The following LRP1B variants were observed in gnomAD, a reference collection of about 807,000 sequenced individuals.
LRP1B encodes the protein low-density lipoprotein receptor-related protein 1B.
LRP1B carries 217 observed loss-of-function variants against 556.6 expected under a neutral mutation model. The observed-to-expected ratio is 0.39, with a 90% CI of 0.35 to 0.44. The LOEUF (loss-of-function observed/expected upper bound fraction) is 0.44, where lower values mean the gene tolerates loss of function less well. Among genes scored for constraint, LRP1B ranks in the 20% least tolerant of loss-of-function variants. The pLI is 1.00. For missense variants in LRP1B, 5,053 were observed against 5,620.8 expected (o/e 0.90, Z 3.23); for synonymous variants, 2,047 against 1,865.8 (o/e 1.10, Z -2.50).
chr2:142,116,995 G>T (rs1452221256), intron 1 of LRP1B, among the ~76,000 whole-genome samples: 3 of 151,970 alleles, frequency 2.0e-5, no homozygotes, highest in African/African-American at 2.4e-5. Flanking sequence ...TTTTTCTTCT[G>T]CTCCCTTTTT....
At chr2:140,241,114 T>C (rs993326027) in intron 87 of LRP1B, among the ~76,000 whole-genome samples, 1 of 151,030 alleles carries the variant, frequency 6.6e-6, no homozygotes, top group Admixed American at 6.6e-5. Context: ...TGTTTTTTCA[T>C]GTAGTTATGA....
rs1054302363 is a variant in LRP1B, at chr2:141,453,781, G to T, written c.343+26615C>A. The stretch of plus-strand genomic sequence containing the variant: ...GAGAATACAAAAATTAGCCGGGTGT[G>T]GTGACACCTGCAGTTCCAGCTACTC... On this transcript the variant is annotated intron_variant, in intron 3 of 90. Transcript: ENST00000389484. Among the ~76,000 whole-genome samples, 7 of 152,002 alleles carry T rather than the reference G, an allele frequency of 4.6e-5. No homozygotes were observed. The East Asian group carries it at 1.2e-3, about 25-fold the overall frequency.
intron 3 of LRP1B, among the ~76,000 whole-genome samples, chr2:141,382,129 T>G (rs989525274): frequency 6.6e-6 from 1 of 152,184 alleles, no homozygotes; most frequent in African/African-American, 2.4e-5. Context: ...TCCAGGAAGA[T>G]TTTCTCACAC....
At chr2:141,987,776 C>A (rs1263071023) in intron 1 of LRP1B, among the ~76,000 whole-genome samples, 1 of 151,704 alleles carries the variant, frequency 6.6e-6, no homozygotes, top group Non-Finnish European at 1.5e-5. Flanking sequence ...TTGATTTATG[C>A]ATATTATTTC....
At chr2:142,086,612 A>AAAACAAAC (rs758367886) in intron 1 of LRP1B, among the ~76,000 whole-genome samples, 14 of 91,896 alleles carry the variant, frequency 1.5e-4, no homozygotes, top group South Asian at 5.2e-4. Context: ...CTCCATCTCA[A>AAAACAAAC]AAACAAACAA....
In LRP1B at chr2:141,402,085, T is replaced by C. The variant is rs1385056744; in HGVS notation, c.343+78311A>G. On this transcript the variant is annotated intron_variant, in intron 3 of 90. Transcript: ENST00000389484. ...TGTTATGAGATATTTTACCCTTCTG[T>C]TACATGGTTCTTTGAACCTGAGGGT... is the stretch of plus-strand genomic sequence containing the variant. Among the ~76,000 whole-genome samples, 4 of 152,342 alleles carry C rather than the reference T, an allele frequency of 2.6e-5. No individual in the cohort carries two copies. The East Asian group carries it at 5.8e-4, about 22-fold the overall frequency.
At chr2:141,177,499 A>C (rs2105161811) in intron 7 of LRP1B, among the ~76,000 whole-genome samples, 1 of 152,272 alleles carries the variant, frequency 6.6e-6, no homozygotes, top group African/African-American at 2.4e-5. Flanking sequence ...TTGGTTAAAT[A>C]ATATCATTTG....
chr2:140,943,819 A>G (rs1480023104), intron 20 of LRP1B, among the ~76,000 whole-genome samples: 1 of 152,082 alleles, frequency 6.6e-6, no homozygotes, highest in African/African-American at 2.4e-5. Flanking sequence ...TCAGGAAGAC[A>G]GAAAGATCTC....
chr2:141,292,950 A>G (rs1686034247), intron 3 of LRP1B, among the ~76,000 whole-genome samples: 1 of 152,332 alleles, frequency 6.6e-6, no homozygotes, highest in East Asian at 1.9e-4. Flanking sequence ...ATTGTACCAT[A>G]TGAATATAAG....
At chr2:141,952,609 T>G (rs960052474) in intron 1 of LRP1B, among the ~76,000 whole-genome samples, 36 of 152,064 alleles carry the variant, frequency 2.4e-4, no homozygotes, top group Non-Finnish European at 4.7e-4. Flanking sequence ...GAGACACACA[T>G]TGAAATGTAA....
rs1410820782 is a variant in LRP1B at position 140,335,709 on chromosome 2, T to C, written c.12022A>G (p.Ile4008Val). 1 of 1,612,340 alleles carries C rather than the reference T, an allele frequency of 6.2e-7. No homozygotes were observed. The highest frequency in any genetic ancestry group is 1.3e-5 in the African/African-American group (1 of 74,806). Residue 4008 changes from isoleucine to valine, a missense_variant, in exon 78 of 91, where the codon ATC becomes GTC. Physicochemically the swap from Ile to Val is conservative, Grantham distance 29. Coordinates refer to ENST00000389484, the MANE Select transcript of LRP1B (RefSeq NM_018557.3). ...TTHWTSLRYSINVGQLNGPNC... is the reference protein window; with the variant it reads ...TTHWTSLRYSVNVGQLNGPNC... ...GGGCCATTCAGCTGCCCTACGTTGA[T>C]AGAGTACCTCAGACTGGTCCAGTGA...
chr2:141,587,703 A>C (rs1231743954), intron 2 of LRP1B, among the ~76,000 whole-genome samples: 2 of 152,170 alleles, frequency 1.3e-5, no homozygotes, highest in African/African-American at 2.4e-5. Context: ...TTAAAAACAT[A>C]ATTACCTTTG....
chr2:140,833,150 TC>T (rs1233348336), intron 31 of LRP1B, among the ~76,000 whole-genome samples: 2 of 152,148 alleles, frequency 1.3e-5, no homozygotes, highest in Non-Finnish European at 2.9e-5. Flanking sequence ...GCTTCAGTAA[TC>T]CTGTGACCTT....
intron 23 of LRP1B, among the ~76,000 whole-genome samples, chr2:140,893,403 G>C (rs1693857139): frequency 6.6e-6 from 1 of 152,152 alleles, no homozygotes; most frequent in African/African-American, 2.4e-5. Flanking sequence ...AGGAATGTGT[G>C]GGCTCACAGC....
At chr2:140,379,577 C>T (rs904580415) in intron 67 of LRP1B, among the ~76,000 whole-genome samples, 2 of 152,086 alleles carry the variant, frequency 1.3e-5, no homozygotes, top group Non-Finnish European at 2.9e-5. Flanking sequence ...CGCCTGTAAT[C>T]CCAGCTACTT....
intron 2 of LRP1B, among the ~76,000 whole-genome samples, chr2:141,741,239 T>C (rs959815124): frequency 4.0e-4 from 61 of 150,760 alleles, no homozygotes; most frequent in African/African-American, 1.5e-3. Context: ...AGGCGTGCAG[T>C]TATCTCTTCA....
At chr2:141,413,781 G>A (rs1014076537) in intron 3 of LRP1B, among the ~76,000 whole-genome samples, 9 of 152,004 alleles carry the variant, frequency 5.9e-5, no homozygotes, top group Non-Finnish European at 1.0e-4. Context: ...CTACTTGGGA[G>A]GCTGAGGATA....
At chr2:141,616,216 A>G (rs951581245) in intron 2 of LRP1B, among the ~76,000 whole-genome samples, 14 of 151,702 alleles carry the variant, frequency 9.2e-5, no homozygotes, top group African/African-American at 3.2e-4. Flanking sequence ...CAGGAGACGG[A>G]GGTTGCAGTG....
At chr2:141,530,349 A>AT (rs1684826570) in intron 2 of LRP1B, among the ~76,000 whole-genome samples, 1 of 152,142 alleles carries the variant, frequency 6.6e-6, no homozygotes, top group African/African-American at 2.4e-5. Context: ...AAGTGCATTT[A>AT]TTGCAGAGAG....
Sources: gnomAD v4.1 joint callset for allele counts (sites outside exome capture counted in the v4.1 genomes callset) on GRCh38, gnomAD v4.1.1 for gene constraint, MANE v1.5 for transcripts, NCBI Gene and HGNC (gene_info 2026-07-23, HGNC 2026-07-21) for gene names.